SYNE1: variants seen among roughly 807,000 people sequenced by gnomAD.
The protein encoded by SYNE1 is nesprin-1.
In SYNE1, 616 loss-of-function variants were observed where a neutral mutation model predicts 1,111.0. That is an observed-to-expected ratio of 0.55 (90% CI 0.52 to 0.59). The LOEUF is 0.59. Ranked by LOEUF, SYNE1 falls within the 20% of genes least tolerant of loss-of-function variation. The pLI, the probability that SYNE1 is intolerant of heterozygous loss-of-function variation, is 0.00. For missense variants in SYNE1, 10,006 were observed against 10,417.0 expected, an observed-to-expected ratio of 0.96 and a Z score of 1.72; for synonymous variants, 3,855 against 3,825.8, an observed-to-expected ratio of 1.01 and a Z score of -0.28.
In SYNE1 at chr6:152,331,291, G is replaced by A. The variant is rs1178543019; in HGVS notation, c.13394C>T (p.Ala4465Val). Residue 4465 changes from alanine (A) to valine (V), a missense_variant, in exon 78 of 146, where the codon GCC (alanine) becomes GTC (valine). This residue lies in a region of SYNE1 where 4,955 missense variants were observed against 5,017.2 expected (regional missense o/e 0.99). Coordinates refer to ENST00000367255, the MANE Select transcript of SYNE1 (RefSeq NM_182961.4). ...KTQFLMAVFQ[A>V]TSQIQQHERK... ...CTCATGTTGCTGAATTTGGCTGGTG[G>A]CCTGGAACACTGCCATGAGAAACTG... 1.2e-6 allele frequency: 2 copies of A among 1,614,052 alleles called. No individual in the cohort carries two copies. The highest frequency in any genetic ancestry group is 2.2e-5 in the South Asian group (2 of 91,078).
At chr6:152,293,867 T>A in intron 94 of SYNE1, 93 bp downstream of exon 94, 2 of 1,608,694 alleles carry the variant, frequency 1.2e-6, no homozygotes, top group Middle Eastern at 1.8e-4. Context: ...AACTGTGGAC[T>A]GGATATGTAA....
chr6:152,489,061 T>C (rs921459430), intron 11 of SYNE1, among the ~76,000 whole-genome samples: 1 of 152,194 alleles, frequency 6.6e-6, no homozygotes, highest in Non-Finnish European at 1.5e-5. Flanking sequence ...CTATTAGAGA[T>C]TTATCAAGTT....
At chr6:152,622,129 A>G (rs1410987253) in intron 3 of SYNE1, among the ~76,000 whole-genome samples, 2 of 152,206 alleles carry the variant, frequency 1.3e-5, no homozygotes, top group African/African-American at 2.4e-5. Context: ...AATTTGAGAT[A>G]ATTTTACACA....
intron 3 of SYNE1, 115 bp downstream of exon 3, chr6:152,628,150 A>T (rs999494404): frequency 1.8e-6 from 2 of 1,126,408 alleles, no homozygotes; most frequent in East Asian, 4.7e-5. Context: ...AAAGACATCC[A>T]TCCCATTCTG....
At chr6:152,380,215 C>A (rs913231452) in intron 56 of SYNE1, among the ~76,000 whole-genome samples, 3 of 152,158 alleles carry the variant, frequency 2.0e-5, no homozygotes, top group African/African-American at 7.2e-5. Context: ...TTCTTACTGG[C>A]AGGAGCTATT....
intron 130 of SYNE1, among the ~76,000 whole-genome samples, chr6:152,164,864 C>T (rs1032149773): frequency 6.6e-6 from 1 of 152,132 alleles, no homozygotes; most frequent in African/African-American, 2.4e-5. Flanking sequence ...CTGCTCATAA[C>T]AGAGGTAAAC....
rs1009271424 is a variant in SYNE1 at position 152,600,380 on chromosome 6, AT to A, written c.67+27884del. Among the ~76,000 whole-genome samples, 6 of 152,208 alleles carry A rather than the reference AT, an allele frequency of 3.9e-5. No individual in the cohort carries two copies. The East Asian group carries it at 5.8e-4, about 15-fold the overall frequency. ...CTCAAATGGCTGGTAAAGGGTGATA[AT>A]TTTTTTTAAAAAGCTCACAATTTTA... On this transcript the variant is annotated intron_variant, in intron 3 of 145. Coordinates refer to ENST00000367255, the MANE Select transcript of SYNE1 (RefSeq NM_182961.4).
At chr6:152,497,852 G>A (rs2099007999) in intron 11 of SYNE1, among the ~76,000 whole-genome samples, 1 of 152,250 alleles carries the variant, frequency 6.6e-6, no homozygotes, top group East Asian at 1.9e-4. Context: ...AGAAGACGTG[G>A]CAACCTATTG....
chr6:152,154,575 T>C (rs1208431943), intron 133 of SYNE1, among the ~76,000 whole-genome samples: 1 of 152,186 alleles, frequency 6.6e-6, no homozygotes, highest in African/African-American at 2.4e-5. Flanking sequence ...GAAAAGATGG[T>C]TGACTGTGGA....
In SYNE1 at chr6:152,493,108, G is replaced by A. The variant is rs116228837; in HGVS notation, c.940-4605C>T. On this transcript the variant is annotated intron_variant, in intron 11 of 145. Transcript: ENST00000367255. ...CCCCTGCACCTGAACCCACAAGTAT[G>A]AGACAACTCTACTCCCTCCCTAGCA... 2.8e-3 allele frequency among the ~76,000 whole-genome samples: 420 copies of A among 152,076 alleles called. 5 individuals carry two copies. Among genetic ancestry groups the A allele is most frequent in the African/African-American group, 9.1e-3 (376 of 41,476 alleles).
intron 95 of SYNE1, among the ~76,000 whole-genome samples, chr6:152,284,978 C>A (rs190255936): frequency 2.1e-4 from 32 of 152,196 alleles, no homozygotes; most frequent in Non-Finnish European, 3.7e-4. Flanking sequence ...GGGTCTCTCC[C>A]GGGTGATGTC....
intron 141 of SYNE1, among the ~76,000 whole-genome samples, chr6:152,136,308 T>A (rs2057065363): frequency 6.6e-6 from 1 of 152,184 alleles, no homozygotes; most frequent in African/African-American, 2.4e-5. Context: ...ACTTGCCCAG[T>A]AAATATCTGT....
chr6:152,635,266 T>C (rs973008032), intron 2 of SYNE1, among the ~76,000 whole-genome samples: 1 of 152,230 alleles, frequency 6.6e-6, no homozygotes, highest in African/African-American at 2.4e-5. Flanking sequence ...AGTGAGACTA[T>C]AAAATAAGAG....
intron 10 of SYNE1, among the ~76,000 whole-genome samples, chr6:152,501,764 G>A (rs2154325690): frequency 6.6e-6 from 1 of 151,470 alleles, no homozygotes; most frequent in East Asian, 1.9e-4. Flanking sequence ...AAGAATCTCG[G>A]AACAATGTTT....
At chr6:152,130,024 G>A (rs560848332) in intron 145 of SYNE1, among the ~76,000 whole-genome samples, 9 of 152,284 alleles carry the variant, frequency 5.9e-5, no homozygotes, top group Non-Finnish European at 8.8e-5. Context: ...AGGGGCTGCT[G>A]GAGGCCAGGC....
At chr6:152,590,999 T>C (rs1246575180) in intron 3 of SYNE1, among the ~76,000 whole-genome samples, 2 of 152,238 alleles carry the variant, frequency 1.3e-5, no homozygotes, top group Non-Finnish European at 2.9e-5. Context: ...TTTACGATGT[T>C]GATTCTTTCA....
chr6:152,571,967 T>C (rs904984498), intron 3 of SYNE1, among the ~76,000 whole-genome samples: 5 of 152,200 alleles, frequency 3.3e-5, no homozygotes, highest in Non-Finnish European at 5.9e-5. Context: ...GAAATTATCA[T>C]ATTTGTAATT....
chr6:152,270,028 C>T (rs1159365390), intron 98 of SYNE1, among the ~76,000 whole-genome samples: 2 of 152,164 alleles, frequency 1.3e-5, no homozygotes, highest in Non-Finnish European at 2.9e-5. Flanking sequence ...ACCTCCACCA[C>T]AGTAACTCAA....
chr6:152,449,877 G>C (rs1178138568), intron 27 of SYNE1, among the ~76,000 whole-genome samples: 1 of 152,206 alleles, frequency 6.6e-6, no homozygotes, highest in Non-Finnish European at 1.5e-5. Context: ...TAAGGAAAAA[G>C]ATGTGTTCTA....
Sources: gnomAD v4.1 joint callset for allele counts (sites outside exome capture counted in the v4.1 genomes callset) on GRCh38, gnomAD v4.1.1 for gene constraint, gnomAD v4.1.1 regional missense constraint, MANE v1.5 for transcripts, NCBI Gene and HGNC (gene_info 2026-07-23, HGNC 2026-07-21) for gene names.